RNLS: variants seen among roughly 807,000 people sequenced by gnomAD.
RNLS encodes renalase, FAD dependent amine oxidase.
RNLS carries 39 observed loss-of-function variants against 39.8 expected under a neutral mutation model. The observed-to-expected ratio is 0.98, with a 90% CI of 0.76 to 1.28. The LOEUF (loss-of-function observed/expected upper bound fraction) is 1.28. Among genes scored for constraint, RNLS ranks in the 50% most tolerant of loss-of-function variants. The pLI is 0.00. For synonymous variants in RNLS, 147 were observed against 150.7 expected (o/e 0.98, Z 0.18); for missense variants, 410 against 413.3 (o/e 0.99, Z 0.07).
intron 4 of RNLS, among the ~76,000 whole-genome samples, chr10:88,479,258 C>T (rs535084714): frequency 1.3e-5 from 2 of 152,216 alleles, no homozygotes; most frequent in Non-Finnish European, 2.9e-5. Flanking sequence ...GGCCAATATT[C>T]CCTTACTTGG....
intron 5 of RNLS, among the ~76,000 whole-genome samples, chr10:88,328,620 C>T (rs792216): frequency 0.18 from 27,907 of 151,968 alleles, 3,287 homozygotes; most frequent in Non-Finnish European, 0.26. Context: ...ATATTTTTAG[C>T]GAATACTGAT....
chr10:88,445,925 G>C (rs1407647937), intron 4 of RNLS, among the ~76,000 whole-genome samples: 2 of 152,120 alleles, frequency 1.3e-5, no homozygotes, highest in Non-Finnish European at 2.9e-5. Flanking sequence ...AGTTAATAAG[G>C]ATATCCAGGA....
chr10:88,212,849 G>C, the RNLS span, among the ~76,000 whole-genome samples: 1 of 152,306 alleles, frequency 6.6e-6, no homozygotes, highest in African/African-American at 2.4e-5. Context: ...CCAAACTTTG[G>C]AATTTGGATG....
At chr10:88,532,840 C>T (rs921610656) in intron 4 of RNLS, among the ~76,000 whole-genome samples, 1 of 151,918 alleles carries the variant, frequency 6.6e-6, no homozygotes, top group Non-Finnish European at 1.5e-5. Flanking sequence ...AAATCACATG[C>T]AAATAAGGAT....
chr10:88,205,815 C>G, the RNLS span, among the ~76,000 whole-genome samples: 4 of 152,080 alleles, frequency 2.6e-5, no homozygotes, highest in African/African-American at 9.7e-5. Flanking sequence ...ATCATGTATA[C>G]CCTGGAAGAG....
intron 6 of RNLS, among the ~76,000 whole-genome samples, chr10:88,306,244 CAATT>C (rs1428648089): frequency 1.3e-5 from 2 of 151,994 alleles, no homozygotes; most frequent in South Asian, 2.1e-4. Flanking sequence ...CTCAAGCTAA[CAATT>C]AACACCAAAA....
intron 4 of RNLS, among the ~76,000 whole-genome samples, chr10:88,486,797 G>C (rs995943115): frequency 6.6e-6 from 1 of 152,182 alleles, no homozygotes; most frequent in Non-Finnish European, 1.5e-5. Flanking sequence ...GTAGAAGACA[G>C]TGTGGTGATT....
At chr10:88,188,346 C>A in the RNLS span, among the ~76,000 whole-genome samples, 5 of 152,208 alleles carry the variant, frequency 3.3e-5, no homozygotes, top group African/African-American at 1.2e-4. Flanking sequence ...CATGAGCCAC[C>A]ACACCTGACC....
At chr10:88,318,248 G>A (rs1288961916) in intron 5 of RNLS, among the ~76,000 whole-genome samples, 1 of 152,228 alleles carries the variant, frequency 6.6e-6, no homozygotes, top group Non-Finnish European at 1.5e-5. Context: ...GGAGCTGTGG[G>A]AGCCCTGGAG....
At chr10:88,215,474 A>G in the RNLS span, among the ~76,000 whole-genome samples, 1 of 152,154 alleles carries the variant, frequency 6.6e-6, no homozygotes, top group Non-Finnish European at 1.5e-5. Context: ...CTTCAGGTCT[A>G]TGGAAGAAAA....
chr10:88,447,738 T>G (rs533460920), intron 4 of RNLS, among the ~76,000 whole-genome samples: 1 of 152,124 alleles, frequency 6.6e-6, no homozygotes, highest in Admixed American at 6.6e-5. Flanking sequence ...GGAGGCATCA[T>G]GCTACCTGAC....
At chr10:88,362,447 A>T in intron 5 of RNLS, 105 bp downstream of exon 5, 1 of 1,026,632 alleles carries the variant, frequency 9.7e-7, no homozygotes, top group African/African-American at 1.6e-5. Context: ...GCTTGGAGTT[A>T]AATGCTTGCT....
the RNLS span, among the ~76,000 whole-genome samples, chr10:88,207,658 G>T: frequency 6.6e-6 from 1 of 152,154 alleles, no homozygotes; most frequent in Non-Finnish European, 1.5e-5. Context: ...CTCAAAAATT[G>T]AGCAGAGCAT....
intron 5 of RNLS, among the ~76,000 whole-genome samples, chr10:88,358,837 A>T (rs941325021): frequency 1.3e-5 from 2 of 152,170 alleles, no homozygotes; most frequent in Non-Finnish European, 2.9e-5. Context: ...TCTCTTCAAG[A>T]CTTAACAACT....
the RNLS span, among the ~76,000 whole-genome samples, chr10:88,181,972 G>A: frequency 6.6e-6 from 1 of 152,142 alleles, no homozygotes; most frequent in African/African-American, 2.4e-5. Context: ...TAGTCAAAGT[G>A]CATCAGACCA....
At chr10:88,420,455 T>C (rs1343463633) in intron 4 of RNLS, among the ~76,000 whole-genome samples, 1 of 152,220 alleles carries the variant, frequency 6.6e-6, no homozygotes, top group Non-Finnish European at 1.5e-5. Flanking sequence ...CTCAAGGTGT[T>C]GTAGGGTCAT....
chr10:88,571,663 C>A (rs999688392), intron 4 of RNLS, among the ~76,000 whole-genome samples: 1 of 152,130 alleles, frequency 6.6e-6, no homozygotes, highest in Non-Finnish European at 1.5e-5. Context: ...TCCTCCCTGC[C>A]CCAGTACTTA....
intron 3 of RNLS, among the ~76,000 whole-genome samples, chr10:88,578,904 T>C (rs1449772349): frequency 2.6e-5 from 4 of 152,138 alleles, no homozygotes; most frequent in Non-Finnish European, 5.9e-5. Context: ...AGAACAATGT[T>C]TGGCATTATG....
chr10:88,565,747 CTTTTTT>C (rs34655092), intron 4 of RNLS, among the ~76,000 whole-genome samples: 7 of 98,014 alleles, frequency 7.1e-5, no homozygotes, highest in Admixed American at 2.4e-4. Flanking sequence ...CGTTATCTTT[CTTTTTT>C]TTTTTTTTTT....
Sources: gnomAD v4.1 joint callset for allele counts (sites outside exome capture counted in the v4.1 genomes callset) on GRCh38, gnomAD v4.1.1 for gene constraint, MANE v1.5 for transcripts, NCBI Gene and HGNC (gene_info 2026-07-23, HGNC 2026-07-21) for gene names.